Variants in MICAL2 observed in about 807,000 individuals in gnomAD.
MICAL2 encodes microtubule associated monooxygenase, calponin and LIM domain containing 2, also known as [F-actin]-monooxygenase MICAL2.
A neutral mutation model predicts 127.3 loss-of-function variants in MICAL2; 77 were observed. The ratio of observed to expected loss-of-function variants is 0.60; its 90% CI spans 0.50 to 0.73. The LOEUF (loss-of-function observed/expected upper bound fraction) is 0.73. Ranked by LOEUF, MICAL2 falls within the 30% of genes least tolerant of loss-of-function variation. The pLI, the probability that MICAL2 is intolerant of heterozygous loss-of-function variation, is 0.00. For missense variants in MICAL2, 1,351 were observed against 1,434.4 expected, an observed-to-expected ratio of 0.94 and a Z score of 0.94; for synonymous variants, 570 against 551.1, an observed-to-expected ratio of 1.03 and a Z score of -0.48.
chr11:12,316,324 TTG>T (rs1864231110), intron 29 of MICAL2, among the ~76,000 whole-genome samples: 1 of 151,942 alleles, frequency 6.6e-6, no homozygotes, highest in Admixed American at 6.6e-5. Flanking sequence ...TTTGATTTCT[TTG>T]TGTCTTCAAT....
chr11:12,209,631 G>A, intron 6 of MICAL2, 33 bp downstream of exon 6: 1 of 1,564,844 alleles, frequency 6.4e-7, no homozygotes, highest in Non-Finnish European at 8.8e-7. Flanking sequence ...TGGGAATGGG[G>A]GGATGGGAAT....
chr11:12,324,022 GAAGCA>G lies in MICAL2; in HGVS notation c.5374_5378del (p.Lys1792ValfsTer3). On this transcript the variant is annotated frameshift_variant, in exon 31 of 35. Coordinates refer to the MICAL2 transcript ENST00000646065. LOFTEE classifies it high-confidence loss of function. Reference sequence around the variant, plus strand: ...GAAGAAAGAAGCTAGAAAAAGCAATGAAGCAGTTGGTTAAGCAAGAAGAATTGAAA... The same window carrying G: ...GAAGAAAGAAGCTAGAAAAAGCAATGGTTGGTTAAGCAAGAAGAATTGAAA... 6.2e-7 allele frequency: 1 copy of G among 1,612,426 alleles called. No individual in the cohort carries two copies. Among genetic ancestry groups the G allele is most frequent in the Non-Finnish European group, 8.5e-7 (1 of 1,178,628 alleles).
chr11:12,193,340 C>G lies in MICAL2; in HGVS notation c.265-10910C>G, dbSNP rs1422769570. On this transcript the variant is annotated intron_variant, in intron 3 of 27. Transcript: ENST00000683283. ...GGGCTGCAGGAACAGCTGCTCAACTCAGATAAGTAATCTCTCCCTTGTTGA... is the reference window on the plus strand; with the variant it reads ...GGGCTGCAGGAACAGCTGCTCAACTGAGATAAGTAATCTCTCCCTTGTTGA... Among the ~76,000 whole-genome samples, 61 of 152,230 alleles carry G rather than the reference C, an allele frequency of 4.0e-4. 2 individuals carry two copies. Among genetic ancestry groups the G allele is most frequent in the Admixed American group, 4.0e-3 (61 of 15,282 alleles).
Position 12,256,779 on chromosome 11 carries a change from C to G in MICAL2, c.2956-6C>G. 5 of 1,605,102 alleles carry G rather than the reference C, an allele frequency of 3.1e-6. No individual in the cohort carries two copies. The highest frequency in any genetic ancestry group is 4.3e-6 in the Non-Finnish European group (5 of 1,174,718). ...AATACACCCACTCTTCTCTCCCGAT[C>G]CCCAGGAATCTATGCGAAAGTCATT... is the stretch of plus-strand genomic sequence containing the variant. On this transcript the variant is annotated splice_polypyrimidine_tract_variant and splice_region_variant and intron_variant, in intron 23 of 27. Coordinates refer to ENST00000683283, the MANE Select transcript of MICAL2 (RefSeq NM_001282663.2).
At chr11:12,280,198 A>AT (rs1430993426) in intron 1 of MICAL2, among the ~76,000 whole-genome samples, 5 of 149,746 alleles carry the variant, frequency 3.3e-5, no homozygotes, top group South Asian at 2.1e-4. Context: ...CATCCATTCC[A>AT]TGGGGAAGAG....
chr11:12,226,084 C>A, intron 13 of MICAL2, 87 bp from the exon 14 acceptor site: 1 of 1,291,224 alleles, frequency 7.7e-7, no homozygotes. Context: ...GTGTCACCCT[C>A]AGTGCTCCTT....
At chr11:12,200,869 G>C (rs973923769) in intron 3 of MICAL2, among the ~76,000 whole-genome samples, 5 of 152,226 alleles carry the variant, frequency 3.3e-5, no homozygotes, top group African/African-American at 7.2e-5. Context: ...GGTCGGGCCT[G>C]GTGGACAGAA....
At chr11:12,332,318 G>A (rs954423550) in intron 32 of MICAL2, among the ~76,000 whole-genome samples, 1 of 152,202 alleles carries the variant, frequency 6.6e-6, no homozygotes, top group African/African-American at 2.4e-5. Context: ...AGTCAGCAGA[G>A]CAGGGGAAGG....
At chr11:12,259,938 C>T (rs1464134113) in intron 26 of MICAL2, 41 bp downstream of exon 26, 21 of 1,602,398 alleles carry the variant, frequency 1.3e-5, no homozygotes, top group African/African-American at 2.7e-5. Context: ...TGGGCTGGCC[C>T]CTCAGGCTGC....
chr11:12,135,694 T>G (rs1300746118), intron 1 of MICAL2, among the ~76,000 whole-genome samples: 1 of 152,192 alleles, frequency 6.6e-6, no homozygotes, highest in Non-Finnish European at 1.5e-5. Context: ...TGACTGATCA[T>G]AGGGCCCAAG....
rs761497288 is a variant in MICAL2, at chr11:12,222,660, A to G, written c.1366A>G (p.Ile456Val). The change falls in exon 11 of 28, where the codon ATC becomes GTC. Residue 456 changes from isoleucine to valine, a missense_variant. Coordinates refer to ENST00000683283, the MANE Select transcript of MICAL2 (RefSeq NM_001282663.2). ...RLLPQTTPEN[I>V]NKNFEQYTLD... ...GTTACCTCAGACAACCCCGGAGAAC[A>G]TCAACAAGAACTTTGAGCAGTACAC... 2 of 1,614,246 alleles carry G rather than the reference A, an allele frequency of 1.2e-6. No homozygotes were observed. The highest frequency in any genetic ancestry group is 1.7e-5 in the Admixed American group (1 of 60,030).
At chr11:12,194,209 A>C (rs1303765803) in intron 3 of MICAL2, among the ~76,000 whole-genome samples, 1 of 152,100 alleles carries the variant, frequency 6.6e-6, no homozygotes, top group Non-Finnish European at 1.5e-5. Context: ...CCTCTCCCTC[A>C]CTATCTGCTG....
intron 2 of MICAL2, among the ~76,000 whole-genome samples, chr11:12,142,197 C>T (rs1830531256): frequency 6.6e-6 from 1 of 152,182 alleles, no homozygotes; most frequent in South Asian, 2.1e-4. Flanking sequence ...GCAGGGCCCC[C>T]ACAGCTCCTA....
intron 29 of MICAL2, among the ~76,000 whole-genome samples, chr11:12,312,932 C>G (rs1448798997): frequency 1.3e-5 from 2 of 151,828 alleles, no homozygotes; most frequent in Non-Finnish European, 2.9e-5. Context: ...TTTGGGAGGC[C>G]GAGATGGGCG....
At chr11:12,330,898 AGAGTGTGT>A (rs1168588420) in intron 32 of MICAL2, among the ~76,000 whole-genome samples, 1 of 121,136 alleles carries the variant, frequency 8.3e-6, no homozygotes, top group African/African-American at 3.4e-5. Context: ...AGAGAGAGAG[AGAGTGTGT>A]GTGTGTGTGT....
At chr11:12,212,699 A>C (rs1046631820) in intron 6 of MICAL2, among the ~76,000 whole-genome samples, 1 of 152,218 alleles carries the variant, frequency 6.6e-6, no homozygotes, top group African/African-American at 2.4e-5. Context: ...TTTCCAATAG[A>C]GTCACATACT....
At chr11:12,212,492 C>G (rs1855604990) in intron 6 of MICAL2, among the ~76,000 whole-genome samples, 1 of 151,786 alleles carries the variant, frequency 6.6e-6, no homozygotes, top group Non-Finnish European at 1.5e-5. Context: ...CAAAACAAAA[C>G]AAAACAAAAA....
At chr11:12,342,786 A>G (rs1938887822) in intron 32 of MICAL2, among the ~76,000 whole-genome samples, 1 of 152,232 alleles carries the variant, frequency 6.6e-6, no homozygotes, top group Non-Finnish European at 1.5e-5. Flanking sequence ...TTACGTGCCC[A>G]AAGTCACATG....
intron 26 of MICAL2, chr11:12,260,694 T>C (rs1862993192): frequency 1.0e-6 from 1 of 985,616 alleles, no homozygotes; most frequent in Admixed American, 6.1e-5. Flanking sequence ...AGCATAATTA[T>C]TTTAGAAGAA....
Sources: allele counts gnomAD v4.1 joint callset (sites outside exome capture counted in the v4.1 genomes callset), GRCh38; gene constraint gnomAD v4.1.1; transcripts MANE v1.5; gene names NCBI Gene and HGNC (gene_info 2026-07-23, HGNC 2026-07-21).